NFIA: variants seen among roughly 807,000 people sequenced by gnomAD.
NFIA encodes nuclear factor I A.
NFIA carries 8 observed loss-of-function variants against 62.8 expected under a neutral mutation model. The ratio of observed to expected loss-of-function variants is 0.13; its 90% CI spans 0.07 to 0.23. The LOEUF is 0.23. Among genes scored for constraint, NFIA ranks in the 10% least tolerant of loss-of-function variants. The pLI is 1.00. For missense variants in NFIA, 410 were observed against 642.1 expected, an observed-to-expected ratio of 0.64 and a Z score of 3.91; for synonymous variants, 235 against 238.1, an observed-to-expected ratio of 0.99 and a Z score of 0.12.
In NFIA at chr1:61,150,737, C is replaced by T. The variant is rs545393673; in HGVS notation, c.559+62057C>T. Among the ~76,000 whole-genome samples the T allele has an allele frequency of 5.3e-5, 8 of 152,246 alleles. No homozygotes were observed. In the East Asian group the frequency reaches 5.8e-4, roughly 11 times the overall value. On this transcript the variant is annotated intron_variant, in intron 2 of 10. Coordinates refer to ENST00000403491, the MANE Select transcript of NFIA (RefSeq NM_001134673.4). Reference sequence around the variant, plus strand: ...GCGCCTGCTTTCTTCTCAAAGAGCCCGATCGAATACTCTTCTGTGGGCTCA... The same window carrying T: ...GCGCCTGCTTTCTTCTCAAAGAGCCTGATCGAATACTCTTCTGTGGGCTCA...
intron 5 of NFIA, among the ~76,000 whole-genome samples, chr1:61,355,719 T>C (rs1662912431): frequency 6.6e-6 from 1 of 152,192 alleles, no homozygotes; most frequent in Non-Finnish European, 1.5e-5. Context: ...TAGCTAGGAC[T>C]GTAGGCATCT....
intron 7 of NFIA, among the ~76,000 whole-genome samples, chr1:61,402,773 A>C (rs1486502235): frequency 6.6e-6 from 1 of 152,210 alleles, no homozygotes; most frequent in Non-Finnish European, 1.5e-5. Context: ...CCTGCAAGAC[A>C]TGGATTGGAA....
intron 3 of NFIA, among the ~76,000 whole-genome samples, chr1:61,277,991 C>A (rs1251187000): frequency 6.6e-6 from 1 of 151,732 alleles, no homozygotes; most frequent in African/African-American, 2.4e-5. Context: ...GATTTAAGAT[C>A]ATTCATTCAC....
At chr1:61,288,592 T>C (rs573540487) in intron 3 of NFIA, among the ~76,000 whole-genome samples, 129 of 152,360 alleles carry the variant, frequency 8.5e-4, no homozygotes, top group African/African-American at 2.8e-3. Flanking sequence ...TTGTGGACTT[T>C]CTGTGTGCCA....
upstream of NFIA, among the ~76,000 whole-genome samples, chr1:61,081,052 C>T (rs1646088114): frequency 6.6e-6 from 1 of 152,160 alleles, no homozygotes; most frequent in Admixed American, 6.5e-5. Flanking sequence ...GTCACCTCCA[C>T]CGAAGGGCAG....
At chr1:61,240,835 T>C (rs1355882132) in intron 2 of NFIA, among the ~76,000 whole-genome samples, 1 of 152,140 alleles carries the variant, frequency 6.6e-6, no homozygotes, top group East Asian at 1.9e-4. Flanking sequence ...ACAGAACTTA[T>C]TTTTTATTGA....
At chr1:61,164,333 T>G (rs953319998) in intron 2 of NFIA, among the ~76,000 whole-genome samples, 1 of 152,174 alleles carries the variant, frequency 6.6e-6, no homozygotes, top group African/African-American at 2.4e-5. Context: ...AAGTGAAAAC[T>G]TTTCCAGAAA....
intron 9 of NFIA, among the ~76,000 whole-genome samples, chr1:61,416,742 A>G (rs1666365135): frequency 6.6e-6 from 1 of 152,162 alleles, no homozygotes; most frequent in Non-Finnish European, 1.5e-5. Context: ...GTTATTATAA[A>G]TCTGCACAAT....
At chr1:61,368,706 TAATA>T (rs922707558) in intron 6 of NFIA, among the ~76,000 whole-genome samples, 2 of 152,228 alleles carry the variant, frequency 1.3e-5, no homozygotes, top group East Asian at 1.9e-4. Context: ...AAAGTATATT[TAATA>T]AATCAAAATG....
chr1:61,383,132 T>G, intron 6 of NFIA, 105 bp from the exon 7 acceptor site: 1 of 1,392,954 alleles, frequency 7.2e-7, no homozygotes, highest in Non-Finnish European at 9.9e-7. Context: ...CACAGGTGGA[T>G]TTCTCTTTTT....
chr1:61,196,933 G>GCA (rs1652051303), intron 2 of NFIA, among the ~76,000 whole-genome samples: 1 of 136,556 alleles, frequency 7.3e-6, no homozygotes, highest in African/African-American at 2.9e-5. Flanking sequence ...GTGTGTGTGT[G>GCA]TGTGTGTGCG....
intron 10 of NFIA, among the ~76,000 whole-genome samples, chr1:61,440,396 C>T (rs187278652): frequency 2.9e-4 from 44 of 152,258 alleles, no homozygotes; most frequent in African/African-American, 9.6e-4. Context: ...GAATTGATTG[C>T]TACCAAGTAA....
intron 3 of NFIA, among the ~76,000 whole-genome samples, chr1:61,284,723 C>A (rs890493463): frequency 3.3e-5 from 5 of 152,160 alleles, no homozygotes; most frequent in Non-Finnish European, 7.4e-5. Flanking sequence ...AGATCCTATT[C>A]CCCTGATTTT....
chr1:61,306,086 G>T (rs187224681), intron 3 of NFIA, among the ~76,000 whole-genome samples: 1 of 151,366 alleles, frequency 6.6e-6, no homozygotes, highest in African/African-American at 2.4e-5. Context: ...TCCTGACCTC[G>T]TGATCCGCCC....
rs146512417 is a variant in NFIA at position 61,370,662 on chromosome 1, T to G, written c.946+11388T>G. On this transcript the variant is annotated intron_variant, in intron 6 of 10. Coordinates refer to ENST00000403491, the MANE Select transcript of NFIA (RefSeq NM_001134673.4). Reference sequence around the variant, plus strand: ...AACTTTGGTTCTTGATTCTCTGGTCTTTGTCAAGTGAGGAATTCTTCCTGT... The same window carrying G: ...AACTTTGGTTCTTGATTCTCTGGTCGTTGTCAAGTGAGGAATTCTTCCTGT... Among the ~76,000 whole-genome samples the G allele has an allele frequency of 6.9e-3, 1,048 of 152,282 alleles. 12 individuals carry two copies. The highest frequency in any genetic ancestry group is 0.012 in the Non-Finnish European group (785 of 68,016).
chr1:61,440,106 G>A (rs1343083969), intron 10 of NFIA, among the ~76,000 whole-genome samples: 2 of 152,154 alleles, frequency 1.3e-5, no homozygotes, highest in East Asian at 1.9e-4. Flanking sequence ...ATATTTTAAT[G>A]TTTCCTAGTT....
chr1:61,371,426 T>A (rs78632522), intron 6 of NFIA, among the ~76,000 whole-genome samples: 3,370 of 152,306 alleles, frequency 0.022, 48 homozygotes, highest in Non-Finnish European at 0.035. Context: ...TTGATGAGTT[T>A]GTCTATCAGC....
chr1:61,122,994 T>C (rs1267981132), intron 2 of NFIA, among the ~76,000 whole-genome samples: 1 of 152,222 alleles, frequency 6.6e-6, no homozygotes, highest in African/African-American at 2.4e-5. Context: ...AGTTCTACTT[T>C]TGGATTCTTC....
In NFIA at chr1:61,200,010, GTATATATATATATATA is replaced by G. The variant is rs60422302; in HGVS notation, c.560-77468_560-77453del. 8.4e-3 allele frequency among the ~76,000 whole-genome samples: 441 copies of G among 52,740 alleles called. 7 individuals are homozygous for G. The highest frequency in any genetic ancestry group is 0.019 in the South Asian group (28 of 1,504). The allele number at this position is 52,740 out of a possible 152,430, so 34.6% of individuals were successfully genotyped here. A position where few individuals can be genotyped will look rare whatever the true frequency, so the allele number is the denominator to read the frequency against. On this transcript the variant is annotated intron_variant, in intron 2 of 10. Transcript: ENST00000403491. ...ACTCCAACTCACAAAATATATATAT[GTATATATATATATATA>G]TATATATATATATATATATATATAT...
Sources: gnomAD v4.1 joint callset for allele counts (sites outside exome capture counted in the v4.1 genomes callset) on GRCh38, gnomAD v4.1.1 for gene constraint, MANE v1.5 for transcripts, NCBI Gene and HGNC (gene_info 2026-07-23, HGNC 2026-07-21) for gene names.